The following PPM1E variants were observed in gnomAD, a reference collection of about 807,000 sequenced individuals.
PPM1E encodes protein phosphatase 1E.
In PPM1E, 20 loss-of-function variants were observed where a neutral mutation model predicts 65.9. The ratio of observed to expected loss-of-function variants is 0.30; its 90% confidence interval spans 0.21 to 0.44. PPM1E has a LOEUF of 0.44. PPM1E is among the 20% of genes least tolerant of loss of function. PPM1E has a pLI of 1.00. For missense variants in PPM1E, 713 were observed against 953.1 expected (o/e 0.75, Z 3.32); for synonymous variants, 352 against 374.9 (o/e 0.94, Z 0.70).
At chr17:58,953,542 C>T (rs1353090485) in intron 1 of PPM1E, among the ~76,000 whole-genome samples, 1 of 152,184 alleles carries the variant, frequency 6.6e-6, no homozygotes, top group Non-Finnish European at 1.5e-5. Flanking sequence ...TGACCCAAAC[C>T]AGGCCCCACC....
At chr17:58,777,106 C>G (rs1361336677) in intron 1 of PPM1E, among the ~76,000 whole-genome samples, 1 of 152,036 alleles carries the variant, frequency 6.6e-6, no homozygotes. Context: ...CCTGCCTGTA[C>G]TCCTAGCTAC....
chr17:58,793,962 G>A (rs2050181934), intron 1 of PPM1E, among the ~76,000 whole-genome samples: 2 of 152,062 alleles, frequency 1.3e-5, no homozygotes, highest in Non-Finnish European at 2.9e-5. Flanking sequence ...TCGCATCTCA[G>A]CCTCCTGAGT....
intron 2 of PPM1E, among the ~76,000 whole-genome samples, chr17:58,958,816 C>T (rs1242425594): frequency 3.9e-5 from 6 of 151,920 alleles, no homozygotes; most frequent in Non-Finnish European, 4.4e-5. Context: ...AGCAGAGTCT[C>T]GCTCTTCCTT....
chr17:58,801,506 A>C (rs1481255627), intron 1 of PPM1E, among the ~76,000 whole-genome samples: 2 of 136,808 alleles, frequency 1.5e-5, no homozygotes, highest in Admixed American at 8.1e-5. Flanking sequence ...CAGTGGCACG[A>C]TCTCGGCTCA....
rs189810247 is a variant in PPM1E, at chr17:58,897,400, C to T, written c.465-58249C>T. On this transcript the variant is annotated intron_variant, in intron 1 of 6. Coordinates refer to ENST00000308249, the MANE Select transcript of PPM1E (RefSeq NM_014906.5). The stretch of plus-strand genomic sequence containing the variant: ...CTGCACTCCAGCCTGGGCGACAGAG[C>T]GAGACTCCATCTAAAAAAAAAAAAA... Among the ~76,000 whole-genome samples, 87 of 148,904 alleles carry T rather than the reference C, an allele frequency of 5.8e-4. 2 individuals are homozygous for T. The East Asian group carries it at 0.016, about 27-fold the overall frequency.
intron 1 of PPM1E, among the ~76,000 whole-genome samples, chr17:58,934,172 A>T (rs1187070915): frequency 6.6e-6 from 1 of 152,036 alleles, no homozygotes; most frequent in Non-Finnish European, 1.5e-5. Flanking sequence ...CAGCTTAGAG[A>T]AGAATGGGGA....
intron 1 of PPM1E, among the ~76,000 whole-genome samples, chr17:58,898,486 G>A (rs527839442): frequency 5.5e-4 from 83 of 152,116 alleles, no homozygotes; most frequent in Non-Finnish European, 8.7e-4. Flanking sequence ...TTAGAATGGC[G>A]ATCATTAAAA....
chr17:58,763,094 ATTAAG>A (rs2049839042), intron 1 of PPM1E, among the ~76,000 whole-genome samples: 1 of 152,060 alleles, frequency 6.6e-6, no homozygotes, highest in African/African-American at 2.4e-5. Flanking sequence ...TTACACATAT[ATTAAG>A]TTAATACTGA....
intron 1 of PPM1E, among the ~76,000 whole-genome samples, chr17:58,915,275 CT>C (rs1006100644): frequency 7.2e-5 from 11 of 152,168 alleles, no homozygotes; most frequent in African/African-American, 2.2e-4. Context: ...CATGCCTCCC[CT>C]TTTTAGATCC....
rs1336589676 is a variant in PPM1E, at chr17:58,972,187, A to T, written c.1028A>T (p.His343Leu). 6.2e-7 allele frequency: 1 copy of T among 1,613,974 alleles called. No homozygotes were observed. Among genetic ancestry groups the T allele is most frequent in the Admixed American group, 1.7e-5 (1 of 59,998 alleles). Residue 343 changes from histidine (H) to leucine (L), a missense_variant, in exon 5 of 7, where the codon CAT becomes CTT. By Grantham distance (99) the His-to-Leu change is moderately conservative (BLOSUM62 -3). Transcript: ENST00000308249. ...ACTTTCATCAGAGGCAACATGCTAC[A>T]TGTGGCCTGGGTGGGTGATTCCCAG... Reference protein sequence around the residue: ...VVTFIRGNMLHVAWVGDSQVM... With the variant: ...VVTFIRGNMLLVAWVGDSQVM...
At chr17:58,884,898 T>C (rs1449591577) in intron 1 of PPM1E, among the ~76,000 whole-genome samples, 1 of 146,464 alleles carries the variant, frequency 6.8e-6, no homozygotes, top group East Asian at 1.9e-4. Context: ...CTCTCTTTTC[T>C]CTGTCTTATT....
chr17:58,949,915 T>G (rs1485338856), intron 1 of PPM1E, among the ~76,000 whole-genome samples: 1 of 152,226 alleles, frequency 6.6e-6, no homozygotes, highest in Non-Finnish European at 1.5e-5. Context: ...TTTCTTTCTG[T>G]ACTTTGACTA....
intron 1 of PPM1E, among the ~76,000 whole-genome samples, chr17:58,893,349 C>A (rs1292829906): frequency 6.6e-6 from 1 of 152,016 alleles, no homozygotes; most frequent in Non-Finnish European, 1.5e-5. Flanking sequence ...TGAAAGAAGC[C>A]AATTTGAAAA....
intron 1 of PPM1E, among the ~76,000 whole-genome samples, chr17:58,873,423 A>G (rs2051092855): frequency 6.6e-6 from 1 of 152,104 alleles, no homozygotes; most frequent in Non-Finnish European, 1.5e-5. Flanking sequence ...AGAATACAAA[A>G]TTTATTTTCT....
At chr17:58,947,365 T>C (rs1336777815) in intron 1 of PPM1E, among the ~76,000 whole-genome samples, 4 of 150,576 alleles carry the variant, frequency 2.7e-5, no homozygotes, top group Non-Finnish European at 5.9e-5. Context: ...GCCACCCAAG[T>C]AGCTGGGATT....
intron 6 of PPM1E, among the ~76,000 whole-genome samples, chr17:58,974,806 C>A (rs902616451): frequency 1.3e-5 from 2 of 152,100 alleles, no homozygotes. Flanking sequence ...TTGAGTTCCT[C>A]CCACTCTTTG....
chr17:58,829,224 T>C (rs566878867), intron 1 of PPM1E, among the ~76,000 whole-genome samples: 1 of 152,028 alleles, frequency 6.6e-6, no homozygotes, highest in Non-Finnish European at 1.5e-5. Flanking sequence ...GTATATTCAG[T>C]AGAGACGGGG....
At chr17:58,776,008 G>T (rs2049990747) in intron 1 of PPM1E, among the ~76,000 whole-genome samples, 1 of 150,800 alleles carries the variant, frequency 6.6e-6, no homozygotes, top group Non-Finnish European at 1.5e-5. Context: ...TGTGATGGTG[G>T]TAGATGGTCA....
intron 1 of PPM1E, among the ~76,000 whole-genome samples, chr17:58,869,949 A>G (rs1360503769): frequency 6.6e-6 from 1 of 152,258 alleles, no homozygotes; most frequent in East Asian, 1.9e-4. Flanking sequence ...GAAAGTTTGA[A>G]TGTTTAATTC....
Sources: gnomAD v4.1 joint callset for allele counts (sites outside exome capture counted in the v4.1 genomes callset) on GRCh38, gnomAD v4.1.1 for gene constraint, MANE v1.5 for transcripts, NCBI Gene and HGNC (gene_info 2026-07-23, HGNC 2026-07-21) for gene names.